Variants in MAST4 observed in about 807,000 individuals in gnomAD.
MAST4 encodes microtubule associated serine/threonine kinase family member 4.
In MAST4, 89 loss-of-function variants were observed where a neutral mutation model predicts 162.7. The ratio of observed to expected loss-of-function variants is 0.55; its 90% CI spans 0.46 to 0.65. The LOEUF (loss-of-function observed/expected upper bound fraction) is 0.65. Among genes scored for constraint, MAST4 ranks in the 30% least tolerant of loss-of-function variants. The pLI is 0.00. For missense variants in MAST4, 3,153 were observed against 3,374.0 expected, an observed-to-expected ratio of 0.93 and a Z score of 1.62; for synonymous variants, 1,479 against 1,361.1, an observed-to-expected ratio of 1.09 and a Z score of -1.91.
At chr5:66,791,846 G>T (rs1158108847) in intron 3 of MAST4, among the ~76,000 whole-genome samples, 2 of 152,136 alleles carry the variant, frequency 1.3e-5, no homozygotes, top group African/African-American at 2.4e-5. Context: ...ACCTTCTGTT[G>T]TATTAAGAGC....
chr5:67,078,692 A>ATT (rs1762000818), intron 5 of MAST4, among the ~76,000 whole-genome samples: 1 of 130,846 alleles, frequency 7.6e-6, no homozygotes, highest in African/African-American at 3.1e-5. Flanking sequence ...ATTTATATTT[A>ATT]TATATTTATA....
intron 23 of MAST4, 87 bp from the exon 24 acceptor site, chr5:67,149,302 C>T (rs945828977): frequency 8.2e-7 from 1 of 1,220,238 alleles, no homozygotes; most frequent in African/African-American, 1.5e-5. Flanking sequence ...CTGGCGTTTA[C>T]TCTTCCTGCT....
intron 26 of MAST4, among the ~76,000 whole-genome samples, chr5:67,158,659 G>A (rs963826038): frequency 6.6e-6 from 1 of 152,088 alleles, no homozygotes; most frequent in East Asian, 1.9e-4. Flanking sequence ...CTGGATGTAA[G>A]ACTGAATAAA....
At chr5:66,640,167 A>G (rs893864193) in intron 1 of MAST4, among the ~76,000 whole-genome samples, 1 of 151,978 alleles carries the variant, frequency 6.6e-6, no homozygotes, top group Non-Finnish European at 1.5e-5. Flanking sequence ...ATAATGCAGT[A>G]TTTTTCATCC....
intron 4 of MAST4, among the ~76,000 whole-genome samples, chr5:66,959,948 G>A (rs796754489): frequency 2.6e-5 from 4 of 152,248 alleles, no homozygotes; most frequent in African/African-American, 9.6e-5. Context: ...TTGTGGCGCA[G>A]AAGTTAGACA....
At chr5:66,883,172 G>A (rs1418585278) in intron 3 of MAST4, among the ~76,000 whole-genome samples, 2 of 152,208 alleles carry the variant, frequency 1.3e-5, no homozygotes, top group African/African-American at 4.8e-5. Context: ...GCAGGAGGAG[G>A]AGGAATCTGC....
chr5:67,150,935 A>C (rs986416686), intron 24 of MAST4, among the ~76,000 whole-genome samples: 1 of 152,182 alleles, frequency 6.6e-6, no homozygotes, highest in Non-Finnish European at 1.5e-5. Flanking sequence ...TAAGAATTGA[A>C]ATAGTGGGTA....
intron 4 of MAST4, among the ~76,000 whole-genome samples, chr5:67,043,562 C>G (rs1041956524): frequency 6.6e-6 from 1 of 152,120 alleles, no homozygotes; most frequent in Non-Finnish European, 1.5e-5. Flanking sequence ...CTTCCTTATC[C>G]CTGGCCATTT....
At chr5:66,693,737 A>G (rs1406958112) in intron 1 of MAST4, among the ~76,000 whole-genome samples, 5 of 120,158 alleles carry the variant, frequency 4.2e-5, no homozygotes, top group East Asian at 2.9e-4. Context: ...CTCTTAAGAT[A>G]TGGTCCTCGC....
intron 2 of MAST4, among the ~76,000 whole-genome samples, chr5:66,766,225 G>A (rs1328953685): frequency 2.6e-5 from 4 of 152,106 alleles, no homozygotes; most frequent in African/African-American, 7.2e-5. Context: ...TGTTACAGCC[G>A]TAACAGCCAG....
chr5:67,055,342 T>G (rs557958679), intron 5 of MAST4, among the ~76,000 whole-genome samples: 2 of 152,280 alleles, frequency 1.3e-5, no homozygotes, highest in Admixed American at 1.3e-4. Context: ...TTGTGAAGGA[T>G]GAAGGTTAGA....
intron 4 of MAST4, among the ~76,000 whole-genome samples, chr5:67,039,116 T>C (rs1262171327): frequency 1.3e-5 from 2 of 152,272 alleles, no homozygotes; most frequent in African/African-American, 4.8e-5. Context: ...TTTTCAGATG[T>C]ATTTTACCCT....
chr5:66,739,958 A>G (rs1752392662), intron 1 of MAST4, among the ~76,000 whole-genome samples: 1 of 148,842 alleles, frequency 6.7e-6, no homozygotes, highest in Admixed American at 6.8e-5. Context: ...TAGGTTTCTT[A>G]GTAGTACTAT....
At chr5:66,911,595 G>T (rs188288759) in intron 4 of MAST4, among the ~76,000 whole-genome samples, 2 of 121,468 alleles carry the variant, frequency 1.6e-5, no homozygotes, top group African/African-American at 6.4e-5. Context: ...AATTAGCTAG[G>T]CATGGTGGCA....
chr5:66,920,858 T>C (rs1764487286), intron 4 of MAST4, among the ~76,000 whole-genome samples: 2 of 151,990 alleles, frequency 1.3e-5, no homozygotes, highest in South Asian at 4.2e-4. Flanking sequence ...GAAGATAGAG[T>C]CATTAGAATA....
intron 4 of MAST4, among the ~76,000 whole-genome samples, chr5:66,998,188 C>T (rs1292297739): frequency 6.6e-6 from 1 of 152,174 alleles, no homozygotes; most frequent in Admixed American, 6.5e-5. Flanking sequence ...CCCACTTAAA[C>T]CAAATTGACA....
chr5:66,752,022 G>A (rs955378311), intron 1 of MAST4, among the ~76,000 whole-genome samples: 2 of 151,958 alleles, frequency 1.3e-5, no homozygotes, highest in Non-Finnish European at 2.9e-5. Context: ...TTTCAACCCA[G>A]AATTTCATAT....
At chr5:66,737,926 A>G (rs1752247620) in intron 1 of MAST4, 1 of 152,224 alleles carries the variant, frequency 6.6e-6, no homozygotes, top group Admixed American at 6.5e-5. Context: ...TCAAGAACAT[A>G]GTTTTTGACT....
At chr5:66,909,773 C>G (rs959201225) in intron 4 of MAST4, among the ~76,000 whole-genome samples, 4 of 151,966 alleles carry the variant, frequency 2.6e-5, no homozygotes, top group Non-Finnish European at 5.9e-5. Context: ...ATCCCCACGT[C>G]AAAGGTAGGG....
Sources: allele counts gnomAD v4.1 joint callset (sites outside exome capture counted in the v4.1 genomes callset), GRCh38; gene constraint gnomAD v4.1.1; transcripts MANE v1.5; gene names NCBI Gene and HGNC (gene_info 2026-07-23, HGNC 2026-07-21).